The following MPP7 variants were observed in gnomAD, a reference collection of about 807,000 sequenced individuals.
MPP7 encodes MAGUK p55 scaffold protein 7.
A neutral mutation model predicts 76.5 loss-of-function variants in MPP7; 60 were observed. The observed-to-expected ratio is 0.78, with a 90% CI of 0.64 to 0.97. MPP7 has a LOEUF of 0.97. MPP7 is among the 50% of genes least tolerant of loss of function. MPP7 has a pLI of 0.00. For missense variants in MPP7, 641 were observed against 694.0 expected (o/e 0.92, Z 0.86); for synonymous variants, 237 against 244.5 (o/e 0.97, Z 0.29).
intron 2 of MPP7, among the ~76,000 whole-genome samples, chr10:28,326,203 T>C (rs1259665933): frequency 6.6e-6 from 1 of 152,142 alleles, no homozygotes; most frequent in Non-Finnish European, 1.5e-5. Flanking sequence ...TTATTTTTAT[T>C]TATATAATCC....
chr10:28,265,346 C>A (rs1840115514), intron 1 of MPP7, among the ~76,000 whole-genome samples: 1 of 152,146 alleles, frequency 6.6e-6, no homozygotes, highest in South Asian at 2.1e-4. Context: ...ACTGCTTGAG[C>A]TCAGGAGTTC....
chr10:28,236,107 A>G (rs1839066286), intron 2 of MPP7, among the ~76,000 whole-genome samples: 1 of 152,198 alleles, frequency 6.6e-6, no homozygotes, highest in African/African-American at 2.4e-5. Context: ...AATATTGCCA[A>G]GAATGTAGGG....
chr10:28,221,096 C>T (rs1243510508), intron 2 of MPP7, among the ~76,000 whole-genome samples: 5 of 152,090 alleles, frequency 3.3e-5, no homozygotes, highest in Non-Finnish European at 7.4e-5. Context: ...AAGACGAACC[C>T]TCATTTCAAT....
At chr10:28,116,741 T>G (rs1337035116) in intron 11 of MPP7, among the ~76,000 whole-genome samples, 1 of 152,140 alleles carries the variant, frequency 6.6e-6, no homozygotes, top group Non-Finnish European at 1.5e-5. Flanking sequence ...CATGTTTTAG[T>G]TTTCAGGAAT....
intron 3 of MPP7, among the ~76,000 whole-genome samples, chr10:28,189,400 A>G (rs1055964485): frequency 6.6e-5 from 10 of 151,774 alleles, no homozygotes; most frequent in Non-Finnish European, 1.0e-4. Context: ...CTGTCTCTAC[A>G]AAAAAATACA....
chr10:28,301,072 C>T (rs1841144522), intron 1 of MPP7, among the ~76,000 whole-genome samples: 1 of 152,114 alleles, frequency 6.6e-6, no homozygotes, highest in South Asian at 2.1e-4. Flanking sequence ...ATCATACAAG[C>T]GGCTACTCCC....
chr10:28,262,184 AT>A (rs1839973750), intron 1 of MPP7, among the ~76,000 whole-genome samples: 3 of 15,356 alleles, frequency 2.0e-4, no homozygotes, highest in Non-Finnish European at 3.8e-4. Context: ...AAATAAATAA[AT>A]TATATATATA....
intron 1 of MPP7, among the ~76,000 whole-genome samples, chr10:28,247,371 CTG>C (rs1227527597): frequency 1.3e-5 from 2 of 152,124 alleles, no homozygotes; most frequent in Non-Finnish European, 2.9e-5. Context: ...CTAAAGTTAA[CTG>C]TATGCATTTT....
chr10:28,314,518 C>T (rs188351268), intron 2 of MPP7, among the ~76,000 whole-genome samples: 3 of 152,296 alleles, frequency 2.0e-5, no homozygotes, highest in Admixed American at 6.5e-5. Flanking sequence ...CGTATGTTCA[C>T]TAAAGGCAGA....
Position 28,108,312 on chromosome 10 carries a change from A to C in MPP7, c.952+11339T>G, listed in dbSNP as rs111658012. Among the ~76,000 whole-genome samples the C allele has an allele frequency of 7.2e-3, 1,093 of 152,322 alleles. 13 individuals carry two copies. The highest frequency in any genetic ancestry group is 0.025 in the African/African-American group (1,040 of 41,564). On this transcript the variant is annotated intron_variant, in intron 11 of 16. Coordinates refer to ENST00000683449, the MANE Select transcript of MPP7 (RefSeq NM_001318170.2). Reference sequence around the variant, plus strand: ...TCAATAACCAGGAGATATTATCATCATACATAATTATTAATCTTAAAATAA... The same window carrying C: ...TCAATAACCAGGAGATATTATCATCCTACATAATTATTAATCTTAAAATAA...
At chr10:28,278,437 A>G (rs1455201973) in intron 1 of MPP7, among the ~76,000 whole-genome samples, 1 of 152,102 alleles carries the variant, frequency 6.6e-6, no homozygotes, top group Non-Finnish European at 1.5e-5. Context: ...AGGCATACAA[A>G]CAAAGATTTT....
intron 6 of MPP7, among the ~76,000 whole-genome samples, chr10:28,129,623 A>C (rs1564647167): frequency 6.6e-6 from 1 of 151,968 alleles, no homozygotes; most frequent in Admixed American, 6.6e-5. Context: ...TTTATTTCCT[A>C]TAAACTGCCG....
intron 3 of MPP7, among the ~76,000 whole-genome samples, chr10:28,200,477 G>A (rs144801064): frequency 1.0e-3 from 157 of 152,230 alleles, no homozygotes; most frequent in African/African-American, 3.8e-3. Context: ...AATACCCTCC[G>A]CTATGCTTTC....
chr10:28,261,724 C>T (rs1054213244), intron 1 of MPP7, among the ~76,000 whole-genome samples: 1 of 152,128 alleles, frequency 6.6e-6, no homozygotes, highest in Admixed American at 6.5e-5. Context: ...GAGAGAGAGA[C>T]CGGTTTATCT....
At chr10:28,252,872 CTG>C (rs919162397) in intron 1 of MPP7, among the ~76,000 whole-genome samples, 11 of 151,980 alleles carry the variant, frequency 7.2e-5, no homozygotes, top group Non-Finnish European at 1.3e-4. Context: ...AGTTTATTCT[CTG>C]TGTCCTAGAA....
chr10:28,087,841 G>A (rs987197205), intron 12 of MPP7, among the ~76,000 whole-genome samples: 16 of 152,162 alleles, frequency 1.1e-4, no homozygotes, highest in African/African-American at 3.6e-4. Context: ...GTCTCAGGTA[G>A]CCCCATTGAG....
intron 12 of MPP7, among the ~76,000 whole-genome samples, chr10:28,084,860 A>T (rs774799838): frequency 6.6e-6 from 1 of 152,204 alleles, no homozygotes; most frequent in African/African-American, 2.4e-5. Context: ...CAGGTGCAGT[A>T]AGAAACCCTG....
At chr10:28,107,518 G>A (rs1175600981) in intron 11 of MPP7, among the ~76,000 whole-genome samples, 1 of 152,024 alleles carries the variant, frequency 6.6e-6, no homozygotes, top group African/African-American at 2.4e-5. Flanking sequence ...GCTCTCAGGG[G>A]GTCTCCTTCC....
intron 3 of MPP7, among the ~76,000 whole-genome samples, chr10:28,151,525 C>T (rs530288200): frequency 7.2e-4 from 110 of 152,288 alleles, no homozygotes; most frequent in Admixed American, 3.3e-3. Flanking sequence ...ACTGCAGTTA[C>T]TTGTTTAAAT....
Sources: allele counts gnomAD v4.1 joint callset (sites outside exome capture counted in the v4.1 genomes callset), GRCh38; gene constraint gnomAD v4.1.1; transcripts MANE v1.5; gene names NCBI Gene and HGNC (gene_info 2026-07-23, HGNC 2026-07-21).